The following MTMR9 variants were observed in gnomAD, a reference collection of about 807,000 sequenced individuals.
MTMR9 encodes the protein myotubularin related protein 9, also known as myotubularin-related protein 9.
A neutral mutation model predicts 69.5 loss-of-function variants in MTMR9; 39 were observed. The ratio of observed to expected loss-of-function variants is 0.56; its 90% confidence interval spans 0.43 to 0.73. The LOEUF (loss-of-function observed/expected upper bound fraction) is 0.73. Ranked by LOEUF, MTMR9 falls within the 30% of genes least tolerant of loss-of-function variation. The pLI is 0.00. For synonymous variants in MTMR9, 354 were observed against 240.8 expected (o/e 1.47, Z -4.35); for missense variants, 900 against 671.2 (o/e 1.34, Z -3.77).
intron 9 of MTMR9, chr8:11,321,303 G>T (rs1202930895): frequency 2.5e-6 from 1 of 393,276 alleles, no homozygotes; most frequent in Non-Finnish European, 5.2e-6. Context: ...CGTGATTGTC[G>T]TCACAGTCAG....
At position 11,297,120 on chromosome 8, in the gene MTMR9, G is replaced by A. The variant is rs187929395; in HGVS notation, c.291+1818G>A. Among the ~76,000 whole-genome samples the A allele has an allele frequency of 2.2e-3, 340 of 152,186 alleles. 1 individual carries two copies. Among genetic ancestry groups the A allele is most frequent in the African/African-American group, 7.8e-3 (325 of 41,528 alleles). On this transcript the variant is annotated intron_variant, in intron 2 of 9. Transcript: ENST00000221086. ...AGGAACGTTGATTTTTTCTTTCCGT[G>A]TATGTGTAACTAATCTGGACTTTGT...
chr8:11,298,991 G>C, intron 2 of MTMR9: 1 of 595,188 alleles, frequency 1.7e-6, no homozygotes, highest in Non-Finnish European at 2.1e-6. Flanking sequence ...TAGGAAGAGA[G>C]GAAATGAACA....
chr8:11,320,898 T>C (rs374184538), intron 9 of MTMR9: 2 of 153,124 alleles, frequency 1.3e-5, no homozygotes, highest in East Asian at 3.8e-4. Context: ...CATACAAGAA[T>C]GGTAGCTGTT....
the MTMR9 span, among the ~76,000 whole-genome samples, chr8:11,334,228 A>G: frequency 6.6e-6 from 1 of 152,226 alleles, no homozygotes; most frequent in Non-Finnish European, 1.5e-5. Context: ...CTGGTAAAGT[A>G]AATACAATGG....
At chr8:11,286,027 A>G (rs1482515181) in intron 1 of MTMR9, among the ~76,000 whole-genome samples, 1 of 135,156 alleles carries the variant, frequency 7.4e-6, no homozygotes, top group East Asian at 2.1e-4. Context: ...ATCTCGGCTC[A>G]CTGTAACCTC....
At chr8:11,314,767 A>C (rs1340023812) in intron 6 of MTMR9, among the ~76,000 whole-genome samples, 156 bp from the exon 7 acceptor site, 4 of 152,226 alleles carry the variant, frequency 2.6e-5, no homozygotes, top group Non-Finnish European at 5.9e-5. Context: ...TAGATTCTGA[A>C]CTCTACAAGT....
At chr8:11,318,934 G>T (rs559437579) in intron 8 of MTMR9, 1 of 152,126 alleles carries the variant, frequency 6.6e-6, no homozygotes, top group South Asian at 2.1e-4. Context: ...TGGGGACTTG[G>T]GGGAGGGACA....
chr8:11,306,365 C>T lies in MTMR9; in HGVS notation c.767C>T (p.Ala256Val), dbSNP rs1799941887. The change falls in exon 5 of 10, where the codon GCT (alanine) becomes GTT (valine). Residue 256 changes from alanine (A) to valine (V), a missense_variant. Physicochemically the swap from Ala to Val is moderately conservative, Grantham distance 64. Coordinates refer to ENST00000221086, the MANE Select transcript of MTMR9 (RefSeq NM_015458.4). ...RAKGGGFEQE[A>V]HYPQWRRIHK... ...AAAGGAGGTGGCTTTGAACAAGAAG[C>T]TCATTATCCTCAGTGGAGGCGAATT... is the stretch of plus-strand genomic sequence containing the variant. 4 of 1,614,026 alleles carry T rather than the reference C, an allele frequency of 2.5e-6. No individual in the cohort carries two copies. Among genetic ancestry groups the T allele is most frequent in the Non-Finnish European group, 3.4e-6 (4 of 1,179,940 alleles).
chr8:11,301,969 G>C (rs1563272627), intron 3 of MTMR9, among the ~76,000 whole-genome samples: 1 of 152,026 alleles, frequency 6.6e-6, no homozygotes, highest in African/African-American at 2.4e-5. Flanking sequence ...GATAAAAGAT[G>C]ATAGAGGCTG....
intron 1 of MTMR9, among the ~76,000 whole-genome samples, chr8:11,289,818 C>A (rs1799317083): frequency 6.6e-6 from 1 of 152,182 alleles, no homozygotes; most frequent in Non-Finnish European, 1.5e-5. Context: ...GTGTGTACAA[C>A]CATTTCACTG....
In MTMR9 at chr8:11,288,013, A is replaced by G. The variant is rs568132036; in HGVS notation, c.182+2943A>G. Among the ~76,000 whole-genome samples, 111 of 125,134 alleles carry G rather than the reference A, an allele frequency of 8.9e-4. 1 individual carries two copies. Among genetic ancestry groups the G allele is most frequent in the African/African-American group, 3.1e-3 (104 of 33,430 alleles). 82.1% of individuals were successfully genotyped at this position (125,134 alleles called of 152,430 possible). On this transcript the variant is annotated intron_variant, in intron 1 of 9. Coordinates refer to ENST00000221086, the MANE Select transcript of MTMR9 (RefSeq NM_015458.4). ...ATATATTACATATAATACATAGTAT[A>G]TAATACGTATGATATATAATATATA...
chr8:11,320,132 A>C, intron 9 of MTMR9: 4 of 265,426 alleles, frequency 1.5e-5, no homozygotes, highest in Non-Finnish European at 2.8e-5. Context: ...GAGAGTTGGT[A>C]AGTAGTTGGG....
Position 11,328,050 on chromosome 8 carries a change from C to A in MTMR9, c.*5262C>A, listed in dbSNP as rs565735419. ...GTGTGTAATATTTGCGTATGGTGTT[C>A]CTCTGCCTCAGAGGACAGTTGCACA... On this transcript the variant is annotated 3_prime_UTR_variant, in exon 10 of 10. Coordinates refer to ENST00000221086, the MANE Select transcript of MTMR9 (RefSeq NM_015458.4). 6.6e-6 allele frequency: 1 copy of A among 152,208 alleles called. No homozygotes were observed. Among genetic ancestry groups the A allele is most frequent in the East Asian group, 1.9e-4 (1 of 5,192 alleles). The allele number at this position is 152,208 out of a possible 1,614,324, so 9.4% of individuals were successfully genotyped here.
intron 4 of MTMR9, 91 bp from the exon 5 acceptor site, chr8:11,306,099 T>G: frequency 9.3e-7 from 1 of 1,078,958 alleles, no homozygotes; most frequent in Non-Finnish European, 1.4e-6. Context: ...ACAATTGTTT[T>G]TGAGATACTC....
intron 7 of MTMR9, chr8:11,316,420 G>A: frequency 3.0e-6 from 1 of 330,556 alleles, no homozygotes; most frequent in Non-Finnish European, 5.4e-6. Context: ...GATATTCCAA[G>A]GGCAGTGCAG....
chr8:11,317,848 C>G (rs1249356190), intron 8 of MTMR9: 4 of 152,264 alleles, frequency 2.6e-5, no homozygotes, highest in Non-Finnish European at 4.4e-5. Context: ...TGCCTCATTG[C>G]TGGCAGCCAC....
Position 11,304,871 on chromosome 8 carries a change from A to G in MTMR9, c.448A>G (p.Lys150Glu). The G allele has an allele frequency of 6.2e-7, 1 of 1,614,088 alleles. No individual in the cohort carries two copies. Among genetic ancestry groups the G allele is most frequent in the South Asian group, 1.1e-5 (1 of 91,080 alleles). Residue 150 changes from lysine (K) to glutamate (E), a missense_variant, in exon 4 of 10, where the codon AAG becomes GAG. Lys to Glu is a moderately conservative substitution (Grantham distance 56). Transcript: ENST00000221086. ...TGAATGGAGGCTAAGCTATGTCAAT[A>G]AGGAATTTGCTGTCTGTCCCTCTTA... ...TSEWRLSYVNKEFAVCPSYPP... is the reference protein window; with the variant it reads ...TSEWRLSYVNEEFAVCPSYPP...
the MTMR9 span, among the ~76,000 whole-genome samples, chr8:11,337,981 A>G: frequency 4.6e-5 from 7 of 152,228 alleles, no homozygotes; most frequent in Admixed American, 2.0e-4. Context: ...TCCCCAAGGA[A>G]TTGTTCACAG....
At chr8:11,322,517 AAAG>A (rs1800740003) in intron 9 of MTMR9, 105 bp from the exon 10 acceptor site, 3 of 911,590 alleles carry the variant, frequency 3.3e-6, no homozygotes, top group Non-Finnish European at 5.0e-6. Flanking sequence ...TGTGGCAACA[AAAG>A]AAAAAAGAAT....
Sources: gnomAD v4.1 joint callset for allele counts (sites outside exome capture counted in the v4.1 genomes callset) on GRCh38, gnomAD v4.1.1 for gene constraint, MANE v1.5 for transcripts, NCBI Gene and HGNC (gene_info 2026-07-23, HGNC 2026-07-21) for gene names.